Variants in MRPL39 observed in about 807,000 individuals in gnomAD.
MRPL39 encodes large ribosomal subunit protein mL39.
Under a neutral mutation model 44.5 loss-of-function variants are expected in MRPL39, and 35 were observed. That is an observed-to-expected ratio of 0.79 (90% CI 0.60 to 1.04). The LOEUF is 1.04. Ranked by LOEUF, MRPL39 falls within the 50% of genes least tolerant of loss-of-function variation. MRPL39 has a pLI of 0.00. For missense variants in MRPL39, 433 were observed against 413.5 expected, an observed-to-expected ratio of 1.05 and a Z score of -0.41; for synonymous variants, 139 against 136.1, an observed-to-expected ratio of 1.02 and a Z score of -0.15.
At chr21:25,594,867 C>T (rs1311379888) in intron 6 of MRPL39, among the ~76,000 whole-genome samples, 1 of 152,166 alleles carries the variant, frequency 6.6e-6, no homozygotes, top group East Asian at 1.9e-4. Flanking sequence ...CCCGCCCAAA[C>T]TTGTTCTTCC....
intron 3 of MRPL39, among the ~76,000 whole-genome samples, 163 bp downstream of exon 3, chr21:25,603,622 TGATAAGTTCTG>T: frequency 6.6e-6 from 1 of 152,314 alleles, no homozygotes; most frequent in East Asian, 1.9e-4. Context: ...TGGATGCCAC[TGATAAGTTCTG>T]AACTACAAAA....
chr21:25,599,629 AATAG>A (rs3841742), intron 5 of MRPL39, among the ~76,000 whole-genome samples, 166 bp downstream of exon 5: 12,652 of 152,136 alleles, frequency 0.083, 1,299 homozygotes, highest in African/African-American at 0.23. Flanking sequence ...CAACAACACC[AATAG>A]ATAGATAGAT....
chr21:25,607,328 C>CCCGCCT (rs1266216166), intron 1 of MRPL39, 75 bp downstream of exon 1: 8 of 1,545,038 alleles, frequency 5.2e-6, no homozygotes, highest in African/African-American at 1.4e-5. Context: ...CCTCCCCGGC[C>CCCGCCT]CCGCCTCAGA....
At chr21:25,591,377 C>T (rs1468199411) in intron 8 of MRPL39, among the ~76,000 whole-genome samples, 2 of 152,044 alleles carry the variant, frequency 1.3e-5, no homozygotes, top group African/African-American at 4.8e-5. Context: ...CATATACAAA[C>T]ACAAGGTACA....
At chr21:25,588,370 C>T (rs953196523) in intron 9 of MRPL39, among the ~76,000 whole-genome samples, 2 of 151,840 alleles carry the variant, frequency 1.3e-5, no homozygotes, top group Non-Finnish European at 2.9e-5. Context: ...ATGCTAATGA[C>T]AAAGAATAAA....
At chr21:25,590,288 G>A (rs761756302) in intron 8 of MRPL39, among the ~76,000 whole-genome samples, 4 of 151,902 alleles carry the variant, frequency 2.6e-5, no homozygotes, top group Admixed American at 2.0e-4. Flanking sequence ...GAAACCAGGG[G>A]TATCCAATCT....
chr21:25,603,670 G>T, intron 3 of MRPL39, 126 bp downstream of exon 3: 1 of 994,076 alleles, frequency 1.0e-6, no homozygotes. Context: ...GTAAAACATT[G>T]ACTAAAGAGT....
chr21:25,585,924 T>G (rs989855567), intron 9 of MRPL39, among the ~76,000 whole-genome samples, 170 bp from the exon 10 acceptor site: 1 of 152,122 alleles, frequency 6.6e-6, no homozygotes, highest in Non-Finnish European at 1.5e-5. Flanking sequence ...AAGTAACCAA[T>G]ATAAATTATC....
chr21:25,604,042 A>C, intron 2 of MRPL39, 107 bp from the exon 3 acceptor site: 2 of 1,057,758 alleles, frequency 1.9e-6, no homozygotes, highest in Non-Finnish European at 2.7e-6. Context: ...GATTCTGCAG[A>C]CTGTCCTTTT....
At chr21:25,585,884 A>G (rs1031390472) in intron 9 of MRPL39, 130 bp from the exon 10 acceptor site, 1 of 628,186 alleles carries the variant, frequency 1.6e-6, no homozygotes, top group Non-Finnish European at 2.8e-6. Flanking sequence ...GTAGAATAGA[A>G]AGTTAGGTAA....
Position 25,597,370 on chromosome 21 carries a change from A to G in MRPL39, c.633T>C (p.Tyr211=). The change falls in exon 6 of 10, where the codon TAT becomes TAC. Residue 211 remains tyrosine, a synonymous_variant. Coordinates refer to ENST00000352957, the MANE Select transcript of MRPL39 (RefSeq NM_017446.4). ...SFTKDAHALI[Y]KDLPFETLEV... ...CCAGAGTTTCAAATGGAAGATCTTT[A>G]TAAATTAAAGCATGAGCATCTTTTG... is the stretch of plus-strand genomic sequence containing the variant. 1 of 1,603,020 alleles carries G rather than the reference A, an allele frequency of 6.2e-7. No individual in the cohort carries two copies. Among genetic ancestry groups the G allele is most frequent in the South Asian group, 1.1e-5 (1 of 90,120 alleles).
At chr21:25,607,365 A>G in intron 1 of MRPL39, 38 bp downstream of exon 1, 2 of 1,611,050 alleles carry the variant, frequency 1.2e-6, no homozygotes, top group Non-Finnish European at 1.7e-6. Context: ...ACCACTATCT[A>G]GGCCTCGCTC....
At position 25,587,787 on chromosome 21, in the gene MRPL39, A is replaced by C. The variant is rs778435284; in HGVS notation, c.969+1048T>G. On this transcript the variant is annotated intron_variant, in intron 9 of 9. Coordinates refer to ENST00000352957, the MANE Select transcript of MRPL39 (RefSeq NM_017446.4). ...TAAATAGAAGGAGAATGGGAAATGG[A>C]GTCTAGAAAGAAAAACTATCATGAA... The C allele has an allele frequency of 1.1e-5, 17 of 1,609,096 alleles. 1 individual carries two copies. Among genetic ancestry groups the C allele is most frequent in the South Asian group, 6.6e-5 (6 of 90,938 alleles).
upstream of MRPL39, among the ~76,000 whole-genome samples, chr21:25,607,675 C>T (rs912133385): frequency 7.2e-5 from 11 of 152,116 alleles, no homozygotes; most frequent in African/African-American, 2.7e-4. Flanking sequence ...GTTACCTGTG[C>T]TCGATACCTG....
intron 4 of MRPL39, among the ~76,000 whole-genome samples, chr21:25,600,352 CGCCACT>C (rs1601380178): frequency 1.5e-5 from 2 of 134,856 alleles, no homozygotes; most frequent in East Asian, 4.4e-4. Context: ...GCCAAGATCG[CGCCACT>C]GCACTCCAGC....
rs577117194 is a variant in MRPL39, at chr21:25,606,573, T to A, written c.156A>T (p.Lys52Asn). 1 of 1,613,896 alleles carries A rather than the reference T, an allele frequency of 6.2e-7. No homozygotes were observed. The highest frequency in any genetic ancestry group is 1.1e-5 in the South Asian group (1 of 91,062). Residue 52 changes from lysine (K) to asparagine (N), a missense_variant, in exon 2 of 10, where the codon AAA becomes AAT. Physicochemically the swap from Lys to Asn is moderately conservative, Grantham distance 94. Transcript: ENST00000352957. ...GGGGAGTTAATGATAACTGCCTGGC[T>A]TTCTCTTTATTAAAGAGATCATTCC... ...EMRNDLFNKE[K>N]ARQLSLTPRT...
At chr21:25,604,238 G>A (rs2031603207) in intron 2 of MRPL39, among the ~76,000 whole-genome samples, 1 of 152,028 alleles carries the variant, frequency 6.6e-6, no homozygotes, top group Non-Finnish European at 1.5e-5. Flanking sequence ...GAGCCTGGGT[G>A]ACAGAGCGAG....
Position 25,585,718 on chromosome 21 carries a change from T to C in MRPL39, c.1006A>G (p.Thr336Ala), listed in dbSNP as rs750671064. The stretch of plus-strand genomic sequence containing the variant: ...ATTTTAGAAAGTTATTAGGTAGATG[T>C]ACATTCCTCTGTTGCTTTACTTTGA... ...EDQSKATEEC[T>A]ST The change falls in exon 10 of 10, where the codon ACA becomes GCA. Residue 336 changes from threonine (T) to alanine (A), a missense_variant. Physicochemically the swap from Thr to Ala is moderately conservative, Grantham distance 58. Transcript: ENST00000352957. 11 of 1,558,222 alleles carry C rather than the reference T, an allele frequency of 7.1e-6. No homozygotes were observed. The highest frequency in any genetic ancestry group is 1.2e-5 in the South Asian group (1 of 83,676).
chr21:25,603,834 G>T lies in MRPL39; in HGVS notation c.382C>A (p.Leu128Ile). 2 of 1,611,660 alleles carry T rather than the reference G, an allele frequency of 1.2e-6. No individual in the cohort carries two copies. Among genetic ancestry groups the T allele is most frequent in the South Asian group, 1.1e-5 (1 of 90,762 alleles). The change falls in exon 3 of 10, where the codon CTT becomes ATT. Residue 128 changes from leucine to isoleucine, a missense_variant. Leu to Ile is a conservative substitution (Grantham distance 5). Transcript: ENST00000352957. Reference protein sequence around the residue: ...PLTKSCEIKFLTFKDCDPGEV... With the variant: ...PLTKSCEIKFITFKDCDPGEV... Reference sequence around the variant, plus strand: ...CCTGGATCACAATCTTTGAAAGTAAGAAATTTAATTTCACAGGACTTTGTT... The same window carrying T: ...CCTGGATCACAATCTTTGAAAGTAATAAATTTAATTTCACAGGACTTTGTT...
Sources: allele counts gnomAD v4.1 joint callset (sites outside exome capture counted in the v4.1 genomes callset), GRCh38; gene constraint gnomAD v4.1.1; transcripts MANE v1.5; gene names NCBI Gene and HGNC (gene_info 2026-07-23, HGNC 2026-07-21).